The following FABP12 variants were observed in gnomAD, a reference collection of about 807,000 sequenced individuals.
The protein encoded by FABP12 is fatty acid binding protein 12.
Under a neutral mutation model 13.7 loss-of-function variants are expected in FABP12, and 19 were observed. The observed-to-expected ratio is 1.39, with a 90% CI of 0.97 to 2.04. The LOEUF is 2.04. Among genes scored for constraint, FABP12 ranks in the 30% most tolerant of loss-of-function variants. The probability of loss-of-function intolerance (pLI) is 0.00; values close to 1 mark genes in which losing one functional copy is unlikely to be tolerated. For missense variants in FABP12, 182 were observed against 164.2 expected (o/e 1.11, Z -0.59); for synonymous variants, 61 against 57.0 (o/e 1.07, Z -0.32).
intron 1 of FABP12, among the ~76,000 whole-genome samples, chr8:81,574,316 G>A (rs1585857618): frequency 6.6e-6 from 1 of 152,248 alleles, no homozygotes; most frequent in East Asian, 1.9e-4. Context: ...CTCGATCATG[G>A]TGGATTATCT....
chr8:81,559,190 C>G (rs901972923), intron 1 of FABP12, among the ~76,000 whole-genome samples: 5 of 152,186 alleles, frequency 3.3e-5, no homozygotes, highest in African/African-American at 9.7e-5. Flanking sequence ...AGTTCTCTCC[C>G]TGAGAGGAGT....
At chr8:81,529,525 T>G (rs1418310981) in exon 3 of FABP12, 1 of 1,613,872 alleles carries the variant, frequency 6.2e-7, no homozygotes, top group African/African-American at 1.3e-5. Flanking sequence ...TGCTTTTGGT[T>G]TTTATTGTGA....
intron 1 of FABP12, among the ~76,000 whole-genome samples, chr8:81,548,723 T>C (rs930269855): frequency 6.2e-4 from 94 of 152,118 alleles, no homozygotes; most frequent in African/African-American, 2.2e-3. Context: ...TTTGAAGACA[T>C]TTTTGGCAGA....
chr8:81,559,137 C>G (rs1809672709), intron 1 of FABP12, among the ~76,000 whole-genome samples: 1 of 152,140 alleles, frequency 6.6e-6, no homozygotes, highest in Admixed American at 6.5e-5. Flanking sequence ...CAAATTTCAC[C>G]CACTTCAAGC....
chr8:81,550,876 C>T (rs1002247576), intron 1 of FABP12, among the ~76,000 whole-genome samples: 12 of 152,130 alleles, frequency 7.9e-5, no homozygotes, highest in African/African-American at 2.9e-4. Context: ...CTCTGAAATG[C>T]TTTATAAAAT....
chr8:81,570,492 C>T (rs1410348609), intron 1 of FABP12, among the ~76,000 whole-genome samples: 1 of 152,086 alleles, frequency 6.6e-6, no homozygotes, highest in Non-Finnish European at 1.5e-5. Context: ...TCTTCGTTAC[C>T]AGGGTGCCCT....
chr8:81,536,066 A>G (rs1249859282), upstream of FABP12, among the ~76,000 whole-genome samples: 5 of 152,116 alleles, frequency 3.3e-5, no homozygotes, highest in African/African-American at 1.2e-4. Flanking sequence ...AGTGCAATCA[A>G]TCCCCTGGTT....
intron 1 of FABP12, among the ~76,000 whole-genome samples, chr8:81,570,957 C>A (rs1228014351): frequency 6.6e-6 from 1 of 152,058 alleles, no homozygotes; most frequent in Non-Finnish European, 1.5e-5. Context: ...CCCCTTCTGC[C>A]CAGGAGCCCG....
At chr8:81,528,015 C>A (rs936593914) in intron 3 of FABP12, among the ~76,000 whole-genome samples, 86 of 152,120 alleles carry the variant, frequency 5.7e-4, no homozygotes, top group African/African-American at 2.0e-3. Context: ...ATTATATGAG[C>A]TTACTTAAAA....
intron 1 of FABP12, among the ~76,000 whole-genome samples, chr8:81,572,792 T>C (rs554247795): frequency 9.9e-5 from 15 of 152,178 alleles, no homozygotes; most frequent in Admixed American, 4.6e-4. Context: ...CACTTTTTGA[T>C]GTGATTGTTT....
At chr8:81,539,430 GTTCTTTT>G (rs1809291980) in intron 2 of FABP12, among the ~76,000 whole-genome samples, 1 of 51,326 alleles carries the variant, frequency 1.9e-5, no homozygotes, top group African/African-American at 7.6e-5. Context: ...TACTTCTTTA[GTTCTTTT>G]TTTTTTTTTT....
At chr8:81,542,074 G>A in intron 1 of FABP12, among the ~76,000 whole-genome samples, 1 of 152,002 alleles carries the variant, frequency 6.6e-6, no homozygotes, top group Admixed American at 6.6e-5. Flanking sequence ...TGTCAGTGAA[G>A]TCTCAAAAAC....
chr8:81,549,790 T>C (rs985630370), intron 1 of FABP12, among the ~76,000 whole-genome samples: 1 of 152,192 alleles, frequency 6.6e-6, no homozygotes. Context: ...CCCTAGTGTT[T>C]AAACAAATAA....
At chr8:81,539,037 T>C (rs1809286007) in intron 2 of FABP12, among the ~76,000 whole-genome samples, 1 of 152,160 alleles carries the variant, frequency 6.6e-6, no homozygotes, top group East Asian at 1.9e-4. Flanking sequence ...TTGATAGAGA[T>C]GGGATTATGC....
chr8:81,537,293 T>C (rs1469680100), upstream of FABP12, among the ~76,000 whole-genome samples: 2 of 152,182 alleles, frequency 1.3e-5, no homozygotes, highest in Non-Finnish European at 2.9e-5. Context: ...AGAAACCTAG[T>C]TTAAAAAGCT....
At chr8:81,552,722 A>G (rs1809540774) in intron 1 of FABP12, among the ~76,000 whole-genome samples, 2 of 152,188 alleles carry the variant, frequency 1.3e-5, no homozygotes, top group African/African-American at 4.8e-5. Flanking sequence ...TAAATCTCAA[A>G]TGCTTTGACC....
intron 4 of FABP12, among the ~76,000 whole-genome samples, chr8:81,525,555 T>TA (rs1554576062): frequency 0.074 from 10,983 of 148,118 alleles, 788 homozygotes; most frequent in African/African-American, 0.19. Context: ...GATAGATAGA[T>TA]GATAGATAGA....
chr8:81,551,397 A>G (rs564960950), intron 1 of FABP12, among the ~76,000 whole-genome samples: 3 of 152,100 alleles, frequency 2.0e-5, no homozygotes, highest in African/African-American at 7.2e-5. Flanking sequence ...CAGTGTTTTG[A>G]CTCTGGGAAG....
intron 1 of FABP12, among the ~76,000 whole-genome samples, chr8:81,584,145 A>G (rs990530813): frequency 6.6e-6 from 1 of 152,214 alleles, no homozygotes; most frequent in African/African-American, 2.4e-5. Flanking sequence ...AACATCCTGG[A>G]GAGTGACACC....
Sources: gnomAD v4.1 joint callset for allele counts (sites outside exome capture counted in the v4.1 genomes callset) on GRCh38, gnomAD v4.1.1 for gene constraint, MANE v1.5 for transcripts, NCBI Gene and HGNC (gene_info 2026-07-23, HGNC 2026-07-21) for gene names.